The following NEK1 variants were observed in gnomAD, a reference collection of about 807,000 sequenced individuals.
The protein encoded by NEK1 is serine/threonine-protein kinase Nek1.
NEK1 carries 137 observed loss-of-function variants against 182.1 expected under a neutral mutation model. The ratio of observed to expected loss-of-function variants is 0.75; its 90% confidence interval spans 0.65 to 0.87. The LOEUF is 0.87. Ranked by LOEUF, NEK1 falls within the 40% of genes least tolerant of loss-of-function variation. The pLI is 0.00. For missense variants in NEK1, 1,391 were observed against 1,494.4 expected (o/e 0.93, Z 1.14); for synonymous variants, 513 against 492.2 (o/e 1.04, Z -0.56).
At chr4:169,471,146 T>C (rs889788161) in intron 26 of NEK1, among the ~76,000 whole-genome samples, 1 of 152,204 alleles carries the variant, frequency 6.6e-6, no homozygotes, top group Non-Finnish European at 1.5e-5. Flanking sequence ...TCATTCTCCG[T>C]CCAGTTTTGT....
At chr4:169,585,027 T>A (rs55689209) in intron 10 of NEK1, among the ~76,000 whole-genome samples, 16,655 of 151,594 alleles carry the variant, frequency 0.11, 999 homozygotes, top group East Asian at 0.17. Flanking sequence ...CTAAAAAAAA[T>A]TTTTTTTTAA....
At chr4:169,471,211 T>C (rs1488840735) in intron 26 of NEK1, among the ~76,000 whole-genome samples, 1 of 152,232 alleles carries the variant, frequency 6.6e-6, no homozygotes, top group African/African-American at 2.4e-5. Flanking sequence ...ATTCTGGTTT[T>C]GGGAATTTTC....
chr4:169,480,797 T>C (rs1561264854), intron 23 of NEK1, among the ~76,000 whole-genome samples: 1 of 152,212 alleles, frequency 6.6e-6, no homozygotes. Flanking sequence ...TAGGCTGGTC[T>C]TGAACTTCTG....
chr4:169,576,620 C>A, intron 12 of NEK1: 1 of 181,012 alleles, frequency 5.5e-6, no homozygotes, highest in Admixed American at 5.8e-5. Context: ...TCAAGAATGT[C>A]ATAGGTATTT....
Position 169,473,104 on chromosome 4 carries a change from GAA to G in NEK1, c.2434+4018_2434+4019del, listed in dbSNP as rs34776787. On this transcript the variant is annotated intron_variant, in intron 26 of 35. Transcript: ENST00000507142. ...TGAGTCCACCATCTCTAACAAAAAA[GAA>G]AAAAAAAAAATTAGCCGGGCATGGC... Among the ~76,000 whole-genome samples the G allele has an allele frequency of 5.1e-4, 76 of 149,146 alleles. No individual in the cohort carries two copies. The East Asian group carries it at 5.1e-3, about 10-fold the overall frequency.
chr4:169,420,677 G>A (rs1735340412), intron 31 of NEK1, among the ~76,000 whole-genome samples: 1 of 152,136 alleles, frequency 6.6e-6, no homozygotes, highest in Non-Finnish European at 1.5e-5. Context: ...CATATGTGAA[G>A]TGGTATAATA....
At chr4:169,535,858 C>G (rs1580548176) in intron 19 of NEK1, among the ~76,000 whole-genome samples, 1 of 111,564 alleles carries the variant, frequency 9.0e-6, no homozygotes. Flanking sequence ...CCAGCCTGGG[C>G]AACAAGAGTT....
intron 18 of NEK1, among the ~76,000 whole-genome samples, chr4:169,541,894 T>C (rs1428005519): frequency 1.3e-5 from 2 of 152,200 alleles, no homozygotes; most frequent in African/African-American, 2.4e-5. Context: ...TGAACAGTCC[T>C]CATATCTGAC....
intron 24 of NEK1, among the ~76,000 whole-genome samples, chr4:169,478,615 TA>T (rs919904833): frequency 9.3e-5 from 14 of 151,208 alleles, no homozygotes; most frequent in Middle Eastern, 3.4e-3. Context: ...CCAAAGGCTA[TA>T]AAAAAAAACA....
intron 12 of NEK1, among the ~76,000 whole-genome samples, chr4:169,570,322 G>GCCCCTCCGCCCAGCAGCCACCC (rs1561434730): frequency 2.0e-5 from 3 of 151,894 alleles, no homozygotes; most frequent in African/African-American, 7.3e-5. Flanking sequence ...GAAGTGAGGA[G>GCCCCTCCGCCCAGCAGCCACCC]CGTCTCCGCC....
intron 27 of NEK1, among the ~76,000 whole-genome samples, chr4:169,446,685 A>G (rs780575974): frequency 1.3e-5 from 2 of 152,204 alleles, no homozygotes; most frequent in Non-Finnish European, 2.9e-5. Context: ...TCAGAATCTT[A>G]CCAGATACAT....
At chr4:169,497,620 G>A (rs917013714) in intron 23 of NEK1, among the ~76,000 whole-genome samples, 15 of 152,116 alleles carry the variant, frequency 9.9e-5, no homozygotes, top group Non-Finnish European at 2.1e-4. Context: ...GTTCTCATTG[G>A]TTTCAAAGAA....
chr4:169,582,108 G>A (rs536052322), intron 10 of NEK1, among the ~76,000 whole-genome samples: 3 of 151,832 alleles, frequency 2.0e-5, no homozygotes, highest in South Asian at 4.2e-4. Context: ...GAATTAACTC[G>A]ATTTATGCTT....
At chr4:169,452,155 C>A (rs751004987) in intron 27 of NEK1, among the ~76,000 whole-genome samples, 5 of 152,304 alleles carry the variant, frequency 3.3e-5, no homozygotes, top group Non-Finnish European at 7.3e-5. Flanking sequence ...ATAACAGGCT[C>A]TGAAATTGAG....
At chr4:169,587,869 C>T (rs1035005798) in intron 8 of NEK1, among the ~76,000 whole-genome samples, 1 of 151,936 alleles carries the variant, frequency 6.6e-6, no homozygotes, top group Non-Finnish European at 1.5e-5. Flanking sequence ...CAAAAAAATT[C>T]ACGTAAATTC....
chr4:169,470,076 T>A (rs770190252), intron 26 of NEK1, among the ~76,000 whole-genome samples: 1 of 151,864 alleles, frequency 6.6e-6, no homozygotes, highest in East Asian at 1.9e-4. Context: ...CTTGACTCTT[T>A]ATCCAATTTG....
intron 23 of NEK1, among the ~76,000 whole-genome samples, chr4:169,485,759 T>C (rs998675639): frequency 3.3e-5 from 5 of 152,182 alleles, no homozygotes; most frequent in Non-Finnish European, 7.3e-5. Flanking sequence ...CTCACACCTA[T>C]AATCCCAGCA....
intron 19 of NEK1, among the ~76,000 whole-genome samples, chr4:169,522,367 G>C (rs1222551957): frequency 6.6e-6 from 1 of 152,108 alleles, no homozygotes; most frequent in Non-Finnish European, 1.5e-5. Context: ...ATCTTGATAT[G>C]AATGTCAAAT....
intron 31 of NEK1, 126 bp downstream of exon 31, chr4:169,424,427 G>C: frequency 8.8e-7 from 1 of 1,138,806 alleles, no homozygotes; most frequent in Non-Finnish European, 1.2e-6. Flanking sequence ...GAAGATGGAG[G>C]TTTTTGTTGG....
Sources: allele counts gnomAD v4.1 joint callset (sites outside exome capture counted in the v4.1 genomes callset), GRCh38; gene constraint gnomAD v4.1.1; transcripts MANE v1.5; gene names NCBI Gene and HGNC (gene_info 2026-07-23, HGNC 2026-07-21).